Variants in MMP1 observed in about 807,000 individuals in gnomAD.
MMP1 encodes matrix metallopeptidase 1, also known as interstitial collagenase.
In MMP1, 51 loss-of-function variants were observed where a neutral mutation model predicts 49.6. The ratio of observed to expected loss-of-function variants is 1.03; its 90% CI spans 0.82 to 1.30. The LOEUF is 1.30. Ranked by LOEUF, MMP1 falls within the 50% of genes most tolerant of loss-of-function variation. The pLI, the probability that MMP1 is intolerant of heterozygous loss-of-function variation, is 0.00. For synonymous variants in MMP1, 230 were observed against 196.8 expected (o/e 1.17, Z -1.41); for missense variants, 623 against 568.7 (o/e 1.10, Z -0.97).
rs1394945128 is a variant in MMP1, at chr11:102,795,262, C to T, written c.811G>A (p.Gly271Ser). The change falls in exon 6 of 10, where the codon GGC (glycine) becomes AGC (serine). Residue 271 changes from glycine to serine, a missense_variant. Transcript: ENST00000315274. ...GRSQNPVQPIGPQTPKACDSK... is the reference protein window; with the variant it reads ...GRSQNPVQPISPQTPKACDSK... Reference sequence around the variant, plus strand: ...TCACACGCTTTTGGGGTTTGTGGGCCGATGGGCTGGACAGGATTTTGGGAA... The same window carrying T: ...TCACACGCTTTTGGGGTTTGTGGGCTGATGGGCTGGACAGGATTTTGGGAA... The T allele has an allele frequency of 8.7e-6, 14 of 1,613,864 alleles. No individual in the cohort carries two copies. The highest frequency in any genetic ancestry group is 2.2e-5 in the East Asian group (1 of 44,898).
At chr11:102,796,530 G>T (rs894877931) in intron 4 of MMP1, 134 bp downstream of exon 4, 4 of 1,041,294 alleles carry the variant, frequency 3.8e-6, no homozygotes, top group Non-Finnish European at 5.3e-6. Flanking sequence ...TTTTCTAAGT[G>T]TATCACTAAT....
At chr11:102,793,023 A>G (rs1041077052) in intron 6 of MMP1, 2 of 225,718 alleles carry the variant, frequency 8.9e-6, no homozygotes, top group Admixed American at 5.6e-5. Flanking sequence ...AAAATGCAGT[A>G]AAAATTATGA....
rs1858221979 is a variant in MMP1, at chr11:102,797,275, G to T, written c.331C>A (p.Gln111Lys). The change falls in exon 2 of 10, where the codon CAA (glutamine) becomes AAA (lysine). Residue 111 changes from glutamine to lysine, a missense_variant. Gln to Lys is a moderately conservative substitution (Grantham distance 53). Transcript: ENST00000315274. ...GCCTACCTGTAGGTCAGATGTGTTT[G>T]CTCCCAGCGAGGGTTCCCCTCAGTG... ...VLTEGNPRWE[Q>K]THLTYRIENY... The T allele has an allele frequency of 6.2e-7, 1 of 1,614,080 alleles. No individual in the cohort carries two copies. Among genetic ancestry groups the T allele is most frequent in the South Asian group, 1.1e-5 (1 of 91,092 alleles).
In MMP1 at chr11:102,790,711, A is replaced by G. The variant is rs1415337384; in HGVS notation, c.1292T>C (p.Met431Thr). 1 of 1,606,952 alleles carries G rather than the reference A, an allele frequency of 6.2e-7. No homozygotes were observed. The highest frequency in any genetic ancestry group is 8.5e-7 in the Non-Finnish European group (1 of 1,173,622). Residue 431 changes from methionine (M) to threonine (T), a missense_variant, in exon 9 of 10, where the codon ATG (methionine) becomes ACG (threonine). Physicochemically the swap from Met to Thr is moderately conservative, Grantham distance 81. Coordinates refer to ENST00000315274, the MANE Select transcript of MMP1 (RefSeq NM_002421.4). ...CATGTATATTCACTTACCATCTTTC[A>G]TGAAAACTGCATCAACTTTGTGGCC... ...GIGHKVDAVF[M>T]KDGFFYFFHG...
At chr11:102,793,796 A>G (rs902806807) in intron 6 of MMP1, among the ~76,000 whole-genome samples, 2 of 152,156 alleles carry the variant, frequency 1.3e-5, no homozygotes, top group African/African-American at 4.8e-5. Flanking sequence ...CTTAATAGGG[A>G]CTAGGGTAAC....
rs753640887 is a variant in MMP1 at position 102,794,993 on chromosome 11, A to C, written c.899+181T>G. ...TTCTGAGAATCAGTTGACCTAATACATGTAGAAAAACAAAGTTGTTACAAG... is the reference window on the plus strand; with the variant it reads ...TTCTGAGAATCAGTTGACCTAATACCTGTAGAAAAACAAAGTTGTTACAAG... On this transcript the variant is annotated intron_variant, in intron 6 of 9. Transcript: ENST00000315274. The surrounding 1 kb of genome is among the most constrained non-coding windows in gnomAD (Gnocchi z 4.3). 6.6e-6 allele frequency among the ~76,000 whole-genome samples: 1 copy of C among 152,238 alleles called. No individual in the cohort carries two copies. Among genetic ancestry groups the C allele is most frequent in the Non-Finnish European group, 1.5e-5 (1 of 68,052 alleles).
chr11:102,795,310 C>G lies in MMP1; in HGVS notation c.782-19G>C. On this transcript the variant is annotated intron_variant, in intron 5 of 9. Transcript: ENST00000315274. ...GAACGTCCTAAGGAAAATAAAATAC[C>G]TAGAGTTAGTTTTGCCTAGTATTAG... 4 of 1,612,252 alleles carry G rather than the reference C, an allele frequency of 2.5e-6. No individual in the cohort carries two copies. Among genetic ancestry groups the G allele is most frequent in the Non-Finnish European group, 3.4e-6 (4 of 1,178,546 alleles).
intron 9 of MMP1, 22 bp from the exon 10 acceptor site, chr11:102,790,543 C>CT: frequency 6.8e-7 from 1 of 1,462,888 alleles, no homozygotes; most frequent in Non-Finnish European, 9.5e-7. Flanking sequence ...ACAAAAGAGA[C>CT]TTACTACATT....
rs1309964206 is a variant in MMP1 at position 102,797,478 on chromosome 11, T to C, written c.128A>G (p.Asn43Ser). 3.1e-6 allele frequency: 5 copies of C among 1,614,014 alleles called. No individual in the cohort carries two copies. Among genetic ancestry groups the C allele is most frequent in the Non-Finnish European group, 4.2e-6 (5 of 1,180,012 alleles). The change falls in exon 2 of 10, where the codon AAC (asparagine) becomes AGC (serine). Residue 43 changes from asparagine to serine, a missense_variant. By Grantham distance (46) the Asn-to-Ser change is conservative. Coordinates refer to ENST00000315274, the MANE Select transcript of MMP1 (RefSeq NM_002421.4). ...AACTTGCCTCCCATCATTCTTCAGG[T>C]TGTAGTATTTTTCCAGGTATTTCTG... Reference protein sequence around the residue: ...LVQKYLEKYYNLKNDGRQVEK... With the variant: ...LVQKYLEKYYSLKNDGRQVEK...
rs554275556 is a variant in MMP1 at position 102,797,520 on chromosome 11, G to A, written c.106-20C>T. ...GTATTTCTGACAAAAGAAAATTATC[G>A]AAACACTGCATGGGAAATCTTTCTC... On this transcript the variant is annotated intron_variant, in intron 1 of 9. Coordinates refer to ENST00000315274, the MANE Select transcript of MMP1 (RefSeq NM_002421.4). 9.3e-6 allele frequency: 15 copies of A among 1,612,536 alleles called. No individual in the cohort carries two copies. The highest frequency in any genetic ancestry group is 3.3e-5 in the South Asian group (3 of 90,980).
At chr11:102,793,802 G>A (rs1246152492) in intron 6 of MMP1, among the ~76,000 whole-genome samples, 1 of 152,206 alleles carries the variant, frequency 6.6e-6, no homozygotes, top group Non-Finnish European at 1.5e-5. Context: ...AGGGACTAGG[G>A]TAACAGCACA....
At position 102,795,447 on chromosome 11, in the gene MMP1, C is replaced by G. The variant is rs754126247; in HGVS notation, c.781+5G>C. On this transcript the variant is annotated splice_donor_5th_base_variant and intron_variant, in intron 5 of 9. Transcript: ENST00000315274. ...CTTGTCCGTAATGTTTTTCCCCATA[C>G]TCACCATATATGGCTTGGATGCCAT... 4 of 1,612,608 alleles carry G rather than the reference C, an allele frequency of 2.5e-6. No homozygotes were observed. Among genetic ancestry groups the G allele is most frequent in the Non-Finnish European group, 2.5e-6 (3 of 1,179,596 alleles).
At position 102,794,942 on chromosome 11, in the gene MMP1, T is replaced by A. The variant is rs910181095; in HGVS notation, c.899+232A>T. ...CTAATCTGTAAAAAAAGATCATACA[T>A]ACTGATTTTCAAAATCAACTATATT... On this transcript the variant is annotated intron_variant, in intron 6 of 9. Transcript: ENST00000315274. The surrounding 1 kb of genome is among the most constrained non-coding windows in gnomAD (Gnocchi z 4.3). 2.0e-5 allele frequency among the ~76,000 whole-genome samples: 3 copies of A among 152,242 alleles called. No homozygotes were observed. The highest frequency in any genetic ancestry group is 4.4e-5 in the Non-Finnish European group (3 of 68,038).
At chr11:102,792,886 G>T in intron 6 of MMP1, 148 bp from the exon 7 acceptor site, 1 of 696,482 alleles carries the variant, frequency 1.4e-6, no homozygotes. Context: ...TTGGTTTATA[G>T]CATTTGCTGA....
At chr11:102,795,121 T>C in intron 6 of MMP1, 53 bp downstream of exon 6, 1 of 1,308,490 alleles carries the variant, frequency 7.6e-7, no homozygotes, top group Non-Finnish European at 1.1e-6. Context: ...ATCATAGTGG[T>C]GAATGTTGTT....
intron 4 of MMP1, 121 bp downstream of exon 4, chr11:102,796,543 T>C: frequency 8.4e-7 from 1 of 1,187,870 alleles, no homozygotes; most frequent in South Asian, 2.0e-5. Context: ...TCACTAATTT[T>C]CTGAGTGGTA....
rs775753400 is a variant in MMP1 at position 102,797,465 on chromosome 11, A to T, written c.141T>A (p.Asp47Glu). The change falls in exon 2 of 10, where the codon GAT becomes GAA. Residue 47 changes from aspartate to glutamate, a missense_variant. Asp to Glu is a conservative substitution (Grantham distance 45). Transcript: ENST00000315274. ...YLEKYYNLKN[D>E]GRQVEKRRNS... is the part of the protein sequence containing the mutation. ...TTCTCCGCTTTTCAACTTGCCTCCC[A>T]TCATTCTTCAGGTTGTAGTATTTTT... 2.2e-5 allele frequency: 35 copies of T among 1,614,020 alleles called. No homozygotes were observed. The Admixed American group carries it at 5.5e-4, about 25-fold the overall frequency.
intron 9 of MMP1, 49 bp from the exon 10 acceptor site, chr11:102,790,570 G>T: frequency 7.2e-7 from 1 of 1,390,664 alleles, no homozygotes; most frequent in Non-Finnish European, 1.0e-6. Flanking sequence ...GTAGTTTCTA[G>T]GTTTAACTTG....
In MMP1 at chr11:102,797,106, T is replaced by G; in HGVS notation, c.407A>C (p.Lys136Thr). 2 of 1,614,148 alleles carry G rather than the reference T, an allele frequency of 1.2e-6. No homozygotes were observed. Among genetic ancestry groups the G allele is most frequent in the Non-Finnish European group, 1.7e-6 (2 of 1,180,014 alleles). ...PRADVDHAIEKAFQLWSNVTP... is the reference protein window; with the variant it reads ...PRADVDHAIETAFQLWSNVTP... Reference sequence around the variant, plus strand: ...GACATTACTCCAGAGTTGGAAGGCTTTCTCAATGGCATGGTCCACATCTGC... The same window carrying G: ...GACATTACTCCAGAGTTGGAAGGCTGTCTCAATGGCATGGTCCACATCTGC... The change falls in exon 3 of 10, where the codon AAA (lysine) becomes ACA (threonine). Residue 136 changes from lysine to threonine, a missense_variant. Coordinates refer to ENST00000315274, the MANE Select transcript of MMP1 (RefSeq NM_002421.4).
Sources: allele counts gnomAD v4.1 joint callset (sites outside exome capture counted in the v4.1 genomes callset), GRCh38; gene constraint gnomAD v4.1.1; non-coding constraint Gnocchi (gnomAD v3.1); transcripts MANE v1.5; gene names NCBI Gene and HGNC (gene_info 2026-07-23, HGNC 2026-07-21).